The following SEM1 variants were observed in gnomAD, a reference collection of about 807,000 sequenced individuals.
SEM1 encodes 26S proteasome complex subunit SEM1.
A neutral mutation model predicts 12.7 loss-of-function variants in SEM1; 3 were observed. The ratio of observed to expected loss-of-function variants is 0.24; its 90% confidence interval spans 0.11 to 0.61. The LOEUF (loss-of-function observed/expected upper bound fraction) is 0.61. Among genes scored for constraint, SEM1 ranks in the 20% least tolerant of loss-of-function variants. SEM1 has a pLI of 0.88. For synonymous variants in SEM1, 30 were observed against 27.8 expected (o/e 1.08, Z -0.25); for missense variants, 59 against 81.3 (o/e 0.73, Z 1.06).
At chr7:96,548,519 A>G (rs938667690) in intron 2 of SEM1, among the ~76,000 whole-genome samples, 10 of 152,160 alleles carry the variant, frequency 6.6e-5, no homozygotes, top group African/African-American at 1.7e-4. Context: ...AAATTCTGAG[A>G]AACCCTACTT....
At chr7:96,644,200 A>G (rs1386428672) in intron 2 of SEM1, among the ~76,000 whole-genome samples, 2 of 152,122 alleles carry the variant, frequency 1.3e-5, no homozygotes, top group Non-Finnish European at 2.9e-5. Flanking sequence ...AAAAGCAGCA[A>G]CTGTGTGGTG....
At chr7:96,655,610 CA>C (rs1188539902) in intron 2 of SEM1, among the ~76,000 whole-genome samples, 2 of 151,926 alleles carry the variant, frequency 1.3e-5, no homozygotes, top group African/African-American at 4.8e-5. Context: ...TTGTACAGTC[CA>C]AAAAGTTTTG....
At chr7:96,577,657 T>G (rs1806250596) in intron 2 of SEM1, among the ~76,000 whole-genome samples, 1 of 152,036 alleles carries the variant, frequency 6.6e-6, no homozygotes, top group Non-Finnish European at 1.5e-5. Context: ...AGCTCAGGAT[T>G]TAATTTGAAC....
intron 2 of SEM1, among the ~76,000 whole-genome samples, chr7:96,579,832 T>A (rs900613697): frequency 6.6e-6 from 1 of 152,146 alleles, no homozygotes; most frequent in African/African-American, 2.4e-5. Context: ...CCACCTAAGA[T>A]GTAAGCAATA....
rs2116290522 is a variant in SEM1 at position 96,622,783 on chromosome 7, T to C, written c.171-140A>G. ...ACCACTGTGCTAGTCATGTAATGCA[T>C]GCAACTGTCTAGAAATGTGGCATTT... On this transcript the variant is annotated intron_variant, in intron 2 of 2. Transcript: ENST00000417009. The C allele has an allele frequency of 4.9e-6, 3 of 607,112 alleles. No individual in the cohort carries two copies. In the South Asian group the frequency reaches 6.1e-5, roughly 12 times the overall value. The allele number at this position is 607,112 out of a possible 1,614,324, so 37.6% of individuals were successfully genotyped here. A position where few individuals can be genotyped will look rare whatever the true frequency, so the allele number is the denominator to read the frequency against.
rs137965477 is a variant in SEM1 at position 96,512,724 on chromosome 7, C to T, written c.171-6026G>A. On this transcript the variant is annotated intron_variant and NMD_transcript_variant, in intron 2 of 3. Transcript: ENST00000466986. ...TACAAAGCCATGTGTCTTGTACACTCATGGGTTTGTGATCAAGTGTCACTA... is the reference window on the plus strand; with the variant it reads ...TACAAAGCCATGTGTCTTGTACACTTATGGGTTTGTGATCAAGTGTCACTA... Among the ~76,000 whole-genome samples the T allele has an allele frequency of 7.2e-5, 11 of 152,122 alleles. 1 individual carries two copies. In the East Asian group the frequency reaches 1.7e-3, roughly 24 times the overall value.
chr7:96,535,979 A>G (rs569260379), intron 2 of SEM1, among the ~76,000 whole-genome samples: 29 of 151,942 alleles, frequency 1.9e-4, no homozygotes, highest in Admixed American at 1.9e-3. Flanking sequence ...CATATCCGGG[A>G]GTGGGATTTC....
intron 1 of SEM1, among the ~76,000 whole-genome samples, chr7:96,707,652 CTT>C (rs1353671181): frequency 6.6e-6 from 1 of 151,800 alleles, no homozygotes; most frequent in Non-Finnish European, 1.5e-5. Context: ...TTCCTTTTAC[CTT>C]TTTGTTTTGT....
downstream of SEM1, among the ~76,000 whole-genome samples, chr7:96,621,142 ATAGAAG>A (rs1807880664): frequency 6.6e-6 from 1 of 152,256 alleles, no homozygotes; most frequent in South Asian, 2.1e-4. Flanking sequence ...AAAATATGGA[ATAGAAG>A]TAGATTGATT....
chr7:96,694,956 T>C (rs763782300), intron 1 of SEM1, 65 bp from the exon 2 acceptor site: 43 of 1,206,912 alleles, frequency 3.6e-5, no homozygotes, highest in Non-Finnish European at 4.5e-5. Flanking sequence ...TACAAAAACT[T>C]TGAAAAGCTT....
rs185828259 is a variant in SEM1 at position 96,581,374 on chromosome 7, C to A, written c.171-74676G>T. Among the ~76,000 whole-genome samples the A allele has an allele frequency of 2.0e-5, 3 of 151,976 alleles. No homozygotes were observed. The South Asian group carries it at 6.2e-4, about 32-fold the overall frequency. ...TACCATGCTGTTTTGGTGACTGTAG[C>A]CTTGTAGTATAGTTTGAAGTCAGGT... On this transcript the variant is annotated intron_variant and NMD_transcript_variant, in intron 2 of 3. Transcript: ENST00000466986.
chr7:96,665,741 T>C (rs1441909798), intron 2 of SEM1, among the ~76,000 whole-genome samples: 1 of 152,214 alleles, frequency 6.6e-6, no homozygotes, highest in East Asian at 1.9e-4. Context: ...CTAGTGATTC[T>C]GAATAAATTG....
chr7:96,527,977 G>T (rs1377685216), intron 2 of SEM1, among the ~76,000 whole-genome samples: 2 of 152,062 alleles, frequency 1.3e-5, no homozygotes, highest in South Asian at 2.1e-4. Flanking sequence ...AATATGTATG[G>T]TTCATGATAT....
chr7:96,552,073 A>G (rs1805297048), intron 2 of SEM1, among the ~76,000 whole-genome samples: 1 of 152,182 alleles, frequency 6.6e-6, no homozygotes, highest in South Asian at 2.1e-4. Context: ...GCACTCTGTC[A>G]TGTTCGTCAT....
intron 2 of SEM1, among the ~76,000 whole-genome samples, chr7:96,566,297 C>T (rs946428935): frequency 6.6e-6 from 1 of 151,588 alleles, no homozygotes; most frequent in African/African-American, 2.4e-5. Context: ...TACAATCATA[C>T]AGGCATGTTT....
At chr7:96,541,444 T>TTG (rs1491196707) in intron 2 of SEM1, among the ~76,000 whole-genome samples, 17 of 62,736 alleles carry the variant, frequency 2.7e-4, no homozygotes, top group African/African-American at 1.3e-3. Flanking sequence ...TTTTTTTTTG[T>TTG]TTTTTTTTTT....
intron 2 of SEM1, among the ~76,000 whole-genome samples, chr7:96,541,439 T>TTTG (rs1804947352): frequency 7.4e-6 from 1 of 135,156 alleles, no homozygotes; most frequent in African/African-American, 3.0e-5. Context: ...GGGTTTTTTT[T>TTTG]TTTGTTTTTT....
At chr7:96,643,380 G>A (rs1808678259) in intron 2 of SEM1, among the ~76,000 whole-genome samples, 1 of 151,452 alleles carries the variant, frequency 6.6e-6, no homozygotes, top group Non-Finnish European at 1.5e-5. Flanking sequence ...TTTAAGTTCT[G>A]GGGTACATGT....
At chr7:96,580,032 A>G (rs1806338379) in intron 2 of SEM1, among the ~76,000 whole-genome samples, 1 of 150,900 alleles carries the variant, frequency 6.6e-6, no homozygotes, top group Non-Finnish European at 1.5e-5. Flanking sequence ...GGTTAGTTAC[A>G]TATGTATACA....
Sources: gnomAD v4.1 joint callset for allele counts (sites outside exome capture counted in the v4.1 genomes callset) on GRCh38, gnomAD v4.1.1 for gene constraint, MANE v1.5 for transcripts, NCBI Gene and HGNC (gene_info 2026-07-23, HGNC 2026-07-21) for gene names.